Variants in RPS2 observed in about 807,000 individuals in gnomAD.
RPS2 encodes the protein ribosomal protein S2.
Under a neutral mutation model 25.3 loss-of-function variants are expected in RPS2, and 8 were observed. That is an observed-to-expected ratio of 0.32 (90% CI 0.19 to 0.57). RPS2 has a LOEUF of 0.57. Ranked by LOEUF, RPS2 falls within the 20% of genes least tolerant of loss-of-function variation. The pLI is 0.90. For synonymous variants in RPS2, 181 were observed against 161.3 expected, an observed-to-expected ratio of 1.12 and a Z score of -0.92; for missense variants, 229 against 408.1, an observed-to-expected ratio of 0.56 and a Z score of 3.78.
rs763702195 is a variant in RPS2, at chr16:1,962,664, GGGAA to G, written c.550-12_550-9del. Reference sequence around the variant, plus strand: ...GCCGCAGCGGCCTGTCACCTGGTGAGGGAAGGAGTCAGGAGACGGGGGCCCGAGG... The same window carrying G: ...GCCGCAGCGGCCTGTCACCTGGTGAGGGAGTCAGGAGACGGGGGCCCGAGG... On this transcript the variant is annotated splice_polypyrimidine_tract_variant and intron_variant, in intron 5 of 6. Coordinates refer to ENST00000343262, the MANE Select transcript of RPS2 (RefSeq NM_002952.4). 6.3e-7 allele frequency: 1 copy of G among 1,594,324 alleles called. No homozygotes were observed. The highest frequency in any genetic ancestry group is 8.5e-7 in the Non-Finnish European group (1 of 1,171,386).
chr16:1,963,772 T>C (rs1305251427), intron 3 of RPS2: 1 of 457,544 alleles, frequency 2.2e-6, no homozygotes, highest in Non-Finnish European at 4.4e-6. Flanking sequence ...TTTGGTGAGA[T>C]GTGGCTTTCC....
At position 1,962,838 on chromosome 16, in the gene RPS2, G is replaced by A. The variant is rs11543113; in HGVS notation, c.447C>T (p.Thr149=). ...CCAGGATGATGGCCCCACGGATGGC[G>A]GTGGCCACCTCCTTGGAGCACTTAA... is the stretch of plus-strand genomic sequence containing the variant. ...LGVKCSKEVA[T]AIRGAIILAK... Residue 149 remains threonine, a synonymous_variant, in exon 5 of 7, where the codon ACC becomes ACT. Transcript: ENST00000343262. 48 of 1,606,494 alleles carry A rather than the reference G, an allele frequency of 3.0e-5. 1 individual carries two copies. The highest frequency in any genetic ancestry group is 6.7e-5 in the Admixed American group (4 of 60,014).
intron 3 of RPS2, chr16:1,963,997 A>C: frequency 2.1e-6 from 1 of 473,696 alleles, no homozygotes. Context: ...CTCGGATGGC[A>C]TGAACCAAGC....
intron 3 of RPS2, chr16:1,963,983 T>C (rs2066477581): frequency 4.5e-6 from 2 of 446,524 alleles, no homozygotes; most frequent in Admixed American, 3.5e-5. Flanking sequence ...AACTTCATCA[T>C]CCTCTCGGAT....
At chr16:1,962,301 G>A in intron 6 of RPS2, 31 bp from the exon 7 acceptor site, 1 of 1,603,866 alleles carries the variant, frequency 6.2e-7, no homozygotes, top group East Asian at 2.2e-5. Flanking sequence ...AGGAGGGTCA[G>A]TGGTGTGCTT....
intron 6 of RPS2, 79 bp from the exon 7 acceptor site, chr16:1,962,349 AG>A (rs774909070): frequency 1.4e-6 from 2 of 1,406,946 alleles, no homozygotes; most frequent in East Asian, 2.3e-5. Flanking sequence ...TCGCACTCCT[AG>A]GAACAGAGAG....
At chr16:1,963,607 G>A (rs966108742) in intron 3 of RPS2, 7 of 339,636 alleles carry the variant, frequency 2.1e-5, no homozygotes, top group Admixed American at 7.9e-5. Flanking sequence ...CTGTGTAACC[G>A]CCCACCCCGC....
chr16:1,963,071 G>T, intron 4 of RPS2, 78 bp downstream of exon 4: 1 of 1,384,388 alleles, frequency 7.2e-7, no homozygotes, highest in Non-Finnish European at 1.0e-6. Context: ...AGTCACACGG[G>T]TGAAGCCAAG....
At chr16:1,963,987 C>T in intron 3 of RPS2, 1 of 455,078 alleles carries the variant, frequency 2.2e-6, no homozygotes, top group Non-Finnish European at 4.1e-6. Flanking sequence ...TCATCATCCT[C>T]TCGGATGGCA....
intron 3 of RPS2, chr16:1,963,995 G>A (rs1000994330): frequency 8.5e-6 from 4 of 469,972 alleles, no homozygotes; most frequent in Non-Finnish European, 1.6e-5. Flanking sequence ...CTCTCGGATG[G>A]CATGAACCAA....
At chr16:1,963,366 C>T in intron 3 of RPS2, 110 bp from the exon 4 acceptor site, 2 of 684,272 alleles carry the variant, frequency 2.9e-6, no homozygotes. Flanking sequence ...GCCTGTAATC[C>T]CAGCACTTTG....
rs1414325597 is a variant in RPS2, at chr16:1,963,248, C to T, written c.276G>A (p.Glu92=). 6.6e-7 allele frequency: 1 copy of T among 1,516,184 alleles called. No individual in the cohort carries two copies. The allele number at this position is 1,516,184 out of a possible 1,614,324, so 93.9% of individuals were successfully genotyped here. The change falls in exon 4 of 7, where the codon GAG becomes GAA. Residue 92 remains glutamate (E), a synonymous_variant. Coordinates refer to ENST00000343262, the MANE Select transcript of RPS2 (RefSeq NM_002952.4). ...AGGCCCCCAGGAAGAAATCAATGAT[C>T]TCTGATTCCTGAAACAAACAAGAAA... The part of the protein sequence containing the change: ...YLFSLPIKES[E]IIDFFLGASL...
In RPS2 at chr16:1,962,100, A is replaced by G; in HGVS notation, c.880T>C (p.Ter294GlnextTer9). Residue 294 changes from the stop codon to glutamine, a stop_lost, in exon 7 of 7, where the codon TAG becomes CAG. Transcript: ENST00000343262. ...TTTATTTTTCTTGTATAAAAACCCT[A>G]TGTTGTAGCCACAGCTGGAGCCTGA... ...RTQAPAVATT[*>Q] is the part of the protein sequence containing the mutation. 6.4e-7 allele frequency: 1 copy of G among 1,553,130 alleles called. No individual in the cohort carries two copies. Among genetic ancestry groups the G allele is most frequent in the Non-Finnish European group, 8.6e-7 (1 of 1,156,894 alleles).
rs144474496 is a variant in RPS2 at position 1,962,707 on chromosome 16, G to A, written c.549+29C>T. 35 of 1,589,312 alleles carry A rather than the reference G, an allele frequency of 2.2e-5. No homozygotes were observed. The African/African-American group carries it at 2.6e-4, about 12-fold the overall frequency. On this transcript the variant is annotated intron_variant, in intron 5 of 6. Transcript: ENST00000343262. ...GGGGGCCCGAGGGAGCCTGCCCCAC[G>A]GCAGGCCCATCACCTGCCACCAGCC...
Position 1,962,921 on chromosome 16 carries a change from T to C in RPS2, c.376-12A>G. The stretch of plus-strand genomic sequence containing the variant: ...ATAGCAACAAATGCCTGCGAAAAGA[T>C]GTGTGTGAGGCAGCTGGTGGCCCTA... On this transcript the variant is annotated splice_polypyrimidine_tract_variant and intron_variant, in intron 4 of 6. Transcript: ENST00000343262. The C allele has an allele frequency of 2.5e-6, 4 of 1,590,978 alleles. No homozygotes were observed. Among genetic ancestry groups the C allele is most frequent in the South Asian group, 2.2e-5 (2 of 90,948 alleles).
At position 1,964,279 on chromosome 16, in the gene RPS2, A is replaced by G; in HGVS notation, c.264T>C (p.Ile88=). The G allele has an allele frequency of 6.2e-7, 1 of 1,610,894 alleles. No individual in the cohort carries two copies. The highest frequency in any genetic ancestry group is 8.5e-7 in the Non-Finnish European group (1 of 1,177,638). The change falls in exon 3 of 7, where the codon ATT becomes ATC. Residue 88 remains isoleucine (I), a synonymous_variant. Coordinates refer to ENST00000343262, the MANE Select transcript of RPS2 (RefSeq NM_002952.4). ...CGCCCCAACGACCGACGCGTACCTT[A>G]ATAGGCAGGGAGAAGAGATAGATCT... is the stretch of plus-strand genomic sequence containing the variant. The part of the protein sequence containing the change: ...LEEIYLFSLP[I]KESEIIDFFL...
chr16:1,962,771 T>C lies in RPS2; in HGVS notation c.514A>G (p.Asn172Asp), dbSNP rs543253316. The C allele has an allele frequency of 6.2e-7, 1 of 1,608,816 alleles. No individual in the cohort carries two copies. Among genetic ancestry groups the C allele is most frequent in the African/African-American group, 1.3e-5 (1 of 74,876 alleles). ...ACAGTGTGGGGCTTGCCGATCTTGTTCCCCCAGTAGCCTCTGCGCACGGGG... is the reference window on the plus strand; with the variant it reads ...ACAGTGTGGGGCTTGCCGATCTTGTCCCCCCAGTAGCCTCTGCGCACGGGG... ...IVPVRRGYWGNKIGKPHTVPC... is the reference protein window; with the variant it reads ...IVPVRRGYWGDKIGKPHTVPC... Residue 172 changes from asparagine to aspartate, a missense_variant, in exon 5 of 7, where the codon AAC becomes GAC. Transcript: ENST00000343262.
At position 1,962,488 on chromosome 16, in the gene RPS2, A is replaced by T. The variant is rs372188995; in HGVS notation, c.709+9T>A. 15 of 1,611,796 alleles carry T rather than the reference A, an allele frequency of 9.3e-6. No homozygotes were observed. In the East Asian group the frequency reaches 2.5e-4, roughly 26 times the overall value. On this transcript the variant is annotated intron_variant, in intron 6 of 6. Transcript: ENST00000343262. ...GACCATGGCTATGCCCCATGTGTGG[A>T]CCACCTACCGAAGTTGCCCAGGGTG...
chr16:1,962,866 C>G lies in RPS2; in HGVS notation c.419G>C (p.Gly140Ala). The change falls in exon 5 of 7, where the codon GGT becomes GCT. Residue 140 changes from glycine (G) to alanine (A), a missense_variant. This residue lies in a region of RPS2 where 15 missense variants were observed against 18.4 expected (regional missense o/e 0.81). Coordinates refer to ENST00000343262, the MANE Select transcript of RPS2 (RefSeq NM_002952.4). ...GGCCACCTCCTTGGAGCACTTAACA[C>G]CCAGACCGACGTGGCCATTGTAGTC... The part of the protein sequence containing the change: ...IGDYNGHVGL[G>A]VKCSKEVATA... The G allele has an allele frequency of 6.2e-7, 1 of 1,603,504 alleles. No homozygotes were observed. The highest frequency in any genetic ancestry group is 8.5e-7 in the Non-Finnish European group (1 of 1,179,796).
Sources: allele counts gnomAD v4.1 joint callset, GRCh38; gene constraint gnomAD v4.1.1; regional missense constraint gnomAD v4.1.1; transcripts MANE v1.5; gene names NCBI Gene and HGNC (gene_info 2026-07-23, HGNC 2026-07-21).